Variants in ADGRB3 observed in about 807,000 individuals in gnomAD.
The protein encoded by ADGRB3 is adhesion G protein-coupled receptor B3.
In ADGRB3, 37 loss-of-function variants were observed where a neutral mutation model predicts 193.4. The ratio of observed to expected loss-of-function variants is 0.19; its 90% CI spans 0.15 to 0.25. ADGRB3 has a LOEUF of 0.25. Ranked by LOEUF, ADGRB3 falls within the 10% of genes least tolerant of loss-of-function variation. The pLI, the probability that ADGRB3 is intolerant of heterozygous loss-of-function variation, is 1.00. For synonymous variants in ADGRB3, 690 were observed against 644.2 expected (o/e 1.07, Z -1.08); for missense variants, 1,637 against 1,852.9 (o/e 0.88, Z 2.14).
chr6:68,728,019 C>G (rs979237112), intron 3 of ADGRB3, among the ~76,000 whole-genome samples: 2 of 151,362 alleles, frequency 1.3e-5, no homozygotes, highest in African/African-American at 4.8e-5. Context: ...TTTATTTTAT[C>G]TAGGCATTTT....
chr6:68,718,357 C>T (rs1378211583), intron 3 of ADGRB3, among the ~76,000 whole-genome samples: 2 of 151,636 alleles, frequency 1.3e-5, no homozygotes, highest in African/African-American at 2.4e-5. Flanking sequence ...TATAGCTAAG[C>T]CATGGACCAC....
At chr6:69,331,592 G>A in intron 23 of ADGRB3, 1 of 985,228 alleles carries the variant, frequency 1.0e-6, no homozygotes, top group Non-Finnish European at 1.2e-6. Context: ...TAATTTGCAA[G>A]AAAAATAAAA....
intron 13 of ADGRB3, among the ~76,000 whole-genome samples, chr6:69,040,369 CTTT>C (rs1562133253): frequency 5.2e-5 from 3 of 57,468 alleles, no homozygotes; most frequent in African/African-American, 1.5e-4. Context: ...TTCTTTCTTT[CTTT>C]CTTTCCTTCT....
At chr6:69,226,176 A>G (rs752838930) in intron 17 of ADGRB3, among the ~76,000 whole-genome samples, 1 of 152,210 alleles carries the variant, frequency 6.6e-6, no homozygotes, top group Admixed American at 6.5e-5. Flanking sequence ...AAGCAGTGAC[A>G]CTACACCTGT....
intron 20 of ADGRB3, among the ~76,000 whole-genome samples, chr6:69,246,340 G>A (rs1000039154): frequency 2.6e-5 from 4 of 152,110 alleles, no homozygotes; most frequent in Admixed American, 1.3e-4. Flanking sequence ...TTGCTATGAC[G>A]TTTGTAAAAT....
chr6:69,280,856 T>A (rs894387979), intron 20 of ADGRB3, among the ~76,000 whole-genome samples: 54 of 152,130 alleles, frequency 3.5e-4, no homozygotes, highest in African/African-American at 1.2e-3. Flanking sequence ...CAAAAAAATA[T>A]ATATATATAT....
At chr6:69,371,550 C>T (rs1769707900) in intron 29 of ADGRB3, among the ~76,000 whole-genome samples, 1 of 152,034 alleles carries the variant, frequency 6.6e-6, no homozygotes, top group African/African-American at 2.4e-5. Context: ...TTCCCTCTCT[C>T]ATCAAAAAAT....
At chr6:69,228,177 A>G (rs1766058956) in intron 17 of ADGRB3, among the ~76,000 whole-genome samples, 2 of 152,194 alleles carry the variant, frequency 1.3e-5, no homozygotes, top group Non-Finnish European at 2.9e-5. Flanking sequence ...GAATTGCTTG[A>G]ACCCAGGAGG....
chr6:69,346,005 A>G (rs1769080405), intron 26 of ADGRB3, among the ~76,000 whole-genome samples: 1 of 152,214 alleles, frequency 6.6e-6, no homozygotes, highest in South Asian at 2.1e-4. Flanking sequence ...CCCATTTACA[A>G]TTGCTACAAA....
chr6:68,946,888 T>C (rs117935232), intron 6 of ADGRB3, among the ~76,000 whole-genome samples: 52 of 152,282 alleles, frequency 3.4e-4, no homozygotes, highest in Non-Finnish European at 6.0e-4. Flanking sequence ...GAAATACTTT[T>C]ATGTATTCAG....
At chr6:68,957,490 G>T (rs1001136640) in intron 8 of ADGRB3, among the ~76,000 whole-genome samples, 4 of 152,116 alleles carry the variant, frequency 2.6e-5, no homozygotes, top group African/African-American at 9.7e-5. Context: ...AATATTATAA[G>T]TATACTAAAG....
At chr6:68,667,355 A>G (rs764829796) in intron 3 of ADGRB3, among the ~76,000 whole-genome samples, 1 of 151,890 alleles carries the variant, frequency 6.6e-6, no homozygotes, top group Non-Finnish European at 1.5e-5. Context: ...TCACAGTTCT[A>G]CTAAACCTGG....
At chr6:68,795,488 T>A (rs1289659653) in intron 3 of ADGRB3, among the ~76,000 whole-genome samples, 1 of 152,088 alleles carries the variant, frequency 6.6e-6, no homozygotes, top group Non-Finnish European at 1.5e-5. Flanking sequence ...AATTGCAGAT[T>A]TCTCCTTAAC....
chr6:68,711,265 T>G (rs1404012604), intron 3 of ADGRB3, among the ~76,000 whole-genome samples: 1 of 152,124 alleles, frequency 6.6e-6, no homozygotes, highest in Admixed American at 6.6e-5. Context: ...ATTATAAAAT[T>G]GTCTTGAATT....
chr6:69,190,697 C>T (rs1225757718), intron 17 of ADGRB3, among the ~76,000 whole-genome samples: 1 of 152,044 alleles, frequency 6.6e-6, no homozygotes, highest in African/African-American at 2.4e-5. Context: ...ATTCAATCAC[C>T]ACTAATTCAC....
intron 3 of ADGRB3, among the ~76,000 whole-genome samples, chr6:68,756,549 T>C (rs1308124221): frequency 2.0e-5 from 3 of 152,086 alleles, no homozygotes; most frequent in Non-Finnish European, 4.4e-5. Flanking sequence ...TGACGATGGA[T>C]TATTTTCCTG....
At chr6:69,026,645 T>C (rs1770439786) in intron 13 of ADGRB3, among the ~76,000 whole-genome samples, 2 of 152,200 alleles carry the variant, frequency 1.3e-5, no homozygotes, top group Non-Finnish European at 2.9e-5. Flanking sequence ...TTTGCGAACA[T>C]CATAGAATGT....
intron 17 of ADGRB3, among the ~76,000 whole-genome samples, chr6:69,150,279 G>A (rs1774635330): frequency 6.6e-6 from 1 of 152,034 alleles, no homozygotes; most frequent in South Asian, 2.1e-4. Flanking sequence ...AATCTACCTG[G>A]CACGCTATTA....
At chr6:69,031,409 C>G (rs1163302135) in intron 13 of ADGRB3, among the ~76,000 whole-genome samples, 1 of 147,604 alleles carries the variant, frequency 6.8e-6, no homozygotes, top group Non-Finnish European at 1.5e-5. Flanking sequence ...CCACTGCACT[C>G]CAGCCTGGGC....
Sources: allele counts gnomAD v4.1 joint callset (sites outside exome capture counted in the v4.1 genomes callset), GRCh38; gene constraint gnomAD v4.1.1; transcripts MANE v1.5; gene names NCBI Gene and HGNC (gene_info 2026-07-23, HGNC 2026-07-21).